TAFA5: variants seen among roughly 807,000 people sequenced by gnomAD.
The protein encoded by TAFA5 is TAFA chemokine like family member 5.
A neutral mutation model predicts 15.3 loss-of-function variants in TAFA5; 6 were observed. The ratio of observed to expected loss-of-function variants is 0.39; its 90% CI spans 0.21 to 0.77. The LOEUF (loss-of-function observed/expected upper bound fraction) is 0.77, where lower values mean the gene tolerates loss of function less well. Among genes scored for constraint, TAFA5 ranks in the 30% least tolerant of loss-of-function variants. The pLI is 0.41. For missense variants in TAFA5, 161 were observed against 193.1 expected, an observed-to-expected ratio of 0.83 and a Z score of 0.98; for synonymous variants, 103 against 80.7, an observed-to-expected ratio of 1.28 and a Z score of -1.48.
chr22:48,517,889 G>C (rs1487458004), intron 1 of TAFA5, among the ~76,000 whole-genome samples: 1 of 152,236 alleles, frequency 6.6e-6, no homozygotes, highest in Admixed American at 6.5e-5. Flanking sequence ...AGCCCCCTCT[G>C]TTTTCCAGCC....
intron 1 of TAFA5, among the ~76,000 whole-genome samples, chr22:48,615,912 C>G (rs950151869): frequency 2.0e-5 from 3 of 152,208 alleles, no homozygotes; most frequent in Non-Finnish European, 4.4e-5. Context: ...GTTTCCAATC[C>G]TCACCCTGGC....
chr22:48,521,121 G>C (rs1394191415), intron 1 of TAFA5, among the ~76,000 whole-genome samples: 1 of 152,222 alleles, frequency 6.6e-6, no homozygotes, highest in Non-Finnish European at 1.5e-5. Flanking sequence ...GGGCATGTGA[G>C]GAGGGCTGTG....
At chr22:48,589,602 A>T (rs1924486861) in intron 1 of TAFA5, among the ~76,000 whole-genome samples, 1 of 152,210 alleles carries the variant, frequency 6.6e-6, no homozygotes, top group African/African-American at 2.4e-5. Flanking sequence ...GGGCCTTTGC[A>T]GATGTAGTTA....
At chr22:48,723,973 C>A (rs1929643187) in intron 3 of TAFA5, among the ~76,000 whole-genome samples, 1 of 152,242 alleles carries the variant, frequency 6.6e-6, no homozygotes, top group Non-Finnish European at 1.5e-5. Context: ...AGACTCTCAG[C>A]CTCTTCTTTG....
intron 1 of TAFA5, among the ~76,000 whole-genome samples, chr22:48,491,827 T>C (rs1928163743): frequency 6.6e-6 from 1 of 152,210 alleles, no homozygotes; most frequent in Non-Finnish European, 1.5e-5. Flanking sequence ...AGATCTGGTT[T>C]CCACACTCAT....
rs994265524 is a variant in TAFA5, at chr22:48,751,826, C to G, written c.*1979C>G. On this transcript the variant is annotated 3_prime_UTR_variant, in exon 4 of 4. Coordinates refer to ENST00000402357, the MANE Select transcript of TAFA5 (RefSeq NM_001082967.3). ...TGTAGACACCTTCGAGGGCAGAGAT[C>G]GGGAGATTTAAGATGTTACAGCATA... The G allele has an allele frequency of 6.6e-6, 1 of 152,506 alleles. No individual in the cohort carries two copies. The highest frequency in any genetic ancestry group is 1.5e-5 in the Non-Finnish European group (1 of 68,034). 9.4% of individuals were successfully genotyped at this position (152,506 alleles called of 1,614,324 possible).
chr22:48,643,022 G>A (rs1411276664), intron 1 of TAFA5, among the ~76,000 whole-genome samples: 1 of 152,186 alleles, frequency 6.6e-6, no homozygotes, highest in Non-Finnish European at 1.5e-5. Flanking sequence ...GGGACCCTGG[G>A]GTTGGGGTGA....
intron 1 of TAFA5, among the ~76,000 whole-genome samples, chr22:48,564,698 C>A (rs1298045850): frequency 6.6e-6 from 1 of 152,218 alleles, no homozygotes; most frequent in East Asian, 1.9e-4. Context: ...CTCAGTTGGA[C>A]AGAGTGGGCT....
At chr22:48,693,349 C>T (rs1928601090) in intron 2 of TAFA5, 1 of 1,612,506 alleles carries the variant, frequency 6.2e-7, no homozygotes, top group Non-Finnish European at 8.5e-7. Context: ...AAAGCACAAA[C>T]ACCCGAAATG....
intron 1 of TAFA5, among the ~76,000 whole-genome samples, chr22:48,606,315 C>T (rs1353689119): frequency 6.6e-6 from 1 of 152,146 alleles, no homozygotes; most frequent in Non-Finnish European, 1.5e-5. Context: ...GCGTGCACTC[C>T]AGGTTTCAGA....
chr22:48,518,215 ATCT>A (rs1242228223), intron 1 of TAFA5, among the ~76,000 whole-genome samples: 2 of 152,106 alleles, frequency 1.3e-5, no homozygotes, highest in African/African-American at 4.8e-5. Flanking sequence ...CCCACGTGGG[ATCT>A]GGGTGTCTGG....
intron 1 of TAFA5, among the ~76,000 whole-genome samples, chr22:48,613,799 C>T (rs1269963148): frequency 6.6e-6 from 1 of 152,314 alleles, no homozygotes; most frequent in African/African-American, 2.4e-5. Context: ...GTGACTCTGT[C>T]GCCATAGAAT....
chr22:48,737,746 A>T (rs962294623), intron 3 of TAFA5, among the ~76,000 whole-genome samples: 1 of 152,160 alleles, frequency 6.6e-6, no homozygotes, highest in Non-Finnish European at 1.5e-5. Flanking sequence ...CTAGCGCTGG[A>T]TGTGACTGTG....
intron 3 of TAFA5, among the ~76,000 whole-genome samples, chr22:48,715,255 T>C (rs1929368139): frequency 6.6e-6 from 1 of 152,212 alleles, no homozygotes; most frequent in Non-Finnish European, 1.5e-5. Flanking sequence ...TGTTCAGTGC[T>C]GTGCTCCGAA....
intron 1 of TAFA5, among the ~76,000 whole-genome samples, chr22:48,586,376 G>A (rs149888482): frequency 1.2e-4 from 18 of 152,360 alleles, no homozygotes; most frequent in Non-Finnish European, 2.4e-4. Flanking sequence ...CCTTTGGGAC[G>A]AGGAAGCCCC....
chr22:48,626,138 T>C (rs1368761097), intron 1 of TAFA5, among the ~76,000 whole-genome samples: 1 of 152,238 alleles, frequency 6.6e-6, no homozygotes, highest in Non-Finnish European at 1.5e-5. Flanking sequence ...TGATTTTGAA[T>C]AAGGCAGCTA....
At chr22:48,671,573 A>T (rs142724144) in intron 2 of TAFA5, among the ~76,000 whole-genome samples, 25 of 152,100 alleles carry the variant, frequency 1.6e-4, no homozygotes, top group African/African-American at 5.8e-4. Flanking sequence ...GACTGTTGGG[A>T]TGGAACAGTG....
chr22:48,741,629 G>A (rs1250655453), intron 3 of TAFA5, among the ~76,000 whole-genome samples: 11 of 152,154 alleles, frequency 7.2e-5, no homozygotes, highest in Admixed American at 7.2e-4. Flanking sequence ...AGAGAACCCT[G>A]TCTTTCTAAG....
chr22:48,713,989 G>A (rs1012916294), intron 3 of TAFA5, among the ~76,000 whole-genome samples: 6 of 152,222 alleles, frequency 3.9e-5, no homozygotes, highest in Admixed American at 3.3e-4. Context: ...TGTCAACACC[G>A]GGGTCCCAGC....
Sources: allele counts gnomAD v4.1 joint callset (sites outside exome capture counted in the v4.1 genomes callset), GRCh38; gene constraint gnomAD v4.1.1; transcripts MANE v1.5; gene names NCBI Gene and HGNC (gene_info 2026-07-23, HGNC 2026-07-21).